LMNA: variants seen among roughly 807,000 people sequenced by gnomAD.
The protein encoded by LMNA is lamin.
A neutral mutation model predicts 70.4 loss-of-function variants in LMNA; 20 were observed. The observed-to-expected ratio is 0.28, with a 90% CI of 0.20 to 0.41. LMNA has a LOEUF of 0.41. LMNA is among the 10% of genes least tolerant of loss of function. The pLI is 1.00. For missense variants in LMNA, 652 were observed against 917.2 expected (o/e 0.71, Z 3.73); for synonymous variants, 339 against 372.8 (o/e 0.91, Z 1.04).
At chr1:156,129,871 C>A in intron 1 of LMNA, 1 of 770,908 alleles carries the variant, frequency 1.3e-6, no homozygotes, top group South Asian at 1.4e-5. Context: ...GGCCTGGGAT[C>A]CACATCTGGA....
At chr1:156,090,760 G>A (rs1298058982) in intron 3 of LMNA, among the ~76,000 whole-genome samples, 4 of 152,210 alleles carry the variant, frequency 2.6e-5, no homozygotes, top group Non-Finnish European at 5.9e-5. Flanking sequence ...AGAATTGGAG[G>A]CATGTCTGGA....
intron 1 of LMNA, among the ~76,000 whole-genome samples, chr1:156,125,787 G>A (rs573006315): frequency 4.8e-5 from 7 of 146,380 alleles, no homozygotes; most frequent in African/African-American, 1.3e-4. Context: ...TCAGGAGTCC[G>A]AGACCAGCCT....
chr1:156,132,477 CAT>C (rs1651160266), intron 2 of LMNA, among the ~76,000 whole-genome samples: 1 of 151,978 alleles, frequency 6.6e-6, no homozygotes, highest in Admixed American at 6.6e-5. Context: ...CTCAAAAAAA[CAT>C]AAATAAATAA....
At chr1:156,089,620 A>AGAAG (rs889128743) in intron 2 of LMNA, among the ~76,000 whole-genome samples, 10 of 151,452 alleles carry the variant, frequency 6.6e-5, no homozygotes, top group African/African-American at 2.4e-4. Context: ...AAAGAAAGAA[A>AGAAG]GAAAGGTCTT....
At chr1:156,089,748 G>A (rs577115149) in intron 2 of LMNA, among the ~76,000 whole-genome samples, 7 of 152,300 alleles carry the variant, frequency 4.6e-5, no homozygotes, top group Middle Eastern at 3.4e-3. Context: ...ATGGACAAAC[G>A]TCTCTGCTTC....
chr1:156,139,129 TG>T lies in LMNA; in HGVS notation c.*28del. 2 of 1,613,628 alleles carry T rather than the reference TG, an allele frequency of 1.2e-6. No homozygotes were observed. On this transcript the variant is annotated 3_prime_UTR_variant, in exon 12 of 12. Coordinates refer to ENST00000368300, the MANE Select transcript of LMNA (RefSeq NM_170707.4). The stretch of plus-strand genomic sequence containing the variant: ...TAATCTGGGACCTGCCAGGCAGGGG[TG>T]GGGGTGGAGGCTTCCTGCGTCCTCC...
At chr1:156,082,784 C>A (rs1049935436) in intron 1 of LMNA, 1 of 150,492 alleles carries the variant, frequency 6.6e-6, no homozygotes. Flanking sequence ...CCGCGCCGGC[C>A]GGTCCTGGGG....
Position 156,138,395 on chromosome 1 carries a change from CG to C in LMNA, c.1699-91del, listed in dbSNP as rs1179741330. ...CACAGAACCACACCTTCCTGCCTGG[CG>C]GCTGGGAGCCTGCAGGAGCCTGGAG... is the stretch of plus-strand genomic sequence containing the variant. On this transcript the variant is annotated intron_variant, in intron 10 of 11. Transcript: ENST00000368300. This position sits in a 1 kb window ranked among gnomAD's most constrained non-coding sequence, Gnocchi z 5.5. 9.9e-6 allele frequency: 14 copies of C among 1,416,388 alleles called. No homozygotes were observed. Among genetic ancestry groups the C allele is most frequent in the Non-Finnish European group, 1.3e-5 (13 of 1,036,900 alleles). 87.7% of individuals were successfully genotyped at this position (1,416,388 alleles called of 1,614,324 possible). A position where few individuals can be genotyped will look rare whatever the true frequency, so the allele number is the denominator to read the frequency against.
chr1:156,102,020 C>A (rs1305787554), intron 3 of LMNA, among the ~76,000 whole-genome samples: 1 of 152,200 alleles, frequency 6.6e-6, no homozygotes, highest in East Asian at 1.9e-4. Flanking sequence ...GGGTCGTCTT[C>A]TAAGAATTCT....
intron 1 of LMNA, among the ~76,000 whole-genome samples, chr1:156,117,079 AT>A (rs150049994): frequency 0.46 from 51,633 of 112,636 alleles, 11,140 homozygotes; most frequent in East Asian, 0.67. Context: ...ACACATGGCT[AT>A]TTTTTTTTTT....
rs1651003606 is a variant in LMNA, at chr1:156,130,889, C to A, written c.513+116C>A. On this transcript the variant is annotated intron_variant, in intron 2 of 11. Transcript: ENST00000368300. ...TCTGACCTGTCACCTGATTTCAGAGCCATTCACCTGTCCTAGAGTCATTTT... is the reference window on the plus strand; with the variant it reads ...TCTGACCTGTCACCTGATTTCAGAGACATTCACCTGTCCTAGAGTCATTTT... 3.9e-6 allele frequency: 4 copies of A among 1,014,128 alleles called. No homozygotes were observed. The South Asian group carries it at 4.4e-5, about 11-fold the overall frequency. The allele number at this position is 1,014,128 out of a possible 1,614,324, so 62.8% of individuals were successfully genotyped here.
At chr1:156,089,010 C>T (rs1648591146) in intron 2 of LMNA, among the ~76,000 whole-genome samples, 1 of 152,204 alleles carries the variant, frequency 6.6e-6, no homozygotes, top group Non-Finnish European at 1.5e-5. Context: ...CAGGGTCTTG[C>T]TCTGTCGTCC....
intron 3 of LMNA, among the ~76,000 whole-genome samples, chr1:156,100,626 C>A (rs777271141): frequency 9.9e-5 from 15 of 151,902 alleles, no homozygotes; most frequent in Non-Finnish European, 1.5e-4. Flanking sequence ...GTGGGGCCTG[C>A]AGGAGGAAGG....
rs369909996 is a variant in LMNA at position 156,101,636 on chromosome 1, AAGGG to A, written c.-207+11085_-207+11088del. On this transcript the variant is annotated intron_variant, in intron 3 of 12. Transcript: ENST00000368301. ...CCAGGAAGGAAGGACGGAAGGAAGG[AAGGG>A]AGGGAGGGAGGGAGGGAGGGAGGGA... 9.5e-3 allele frequency among the ~76,000 whole-genome samples: 969 copies of A among 101,904 alleles called. 18 individuals carry two copies. The highest frequency in any genetic ancestry group is 0.028 in the African/African-American group (675 of 24,364). 66.9% of individuals were successfully genotyped at this position (101,904 alleles called of 152,430 possible).
chr1:156,122,315 T>A (rs905619378), intron 1 of LMNA, among the ~76,000 whole-genome samples: 1 of 152,014 alleles, frequency 6.6e-6, no homozygotes, highest in Admixed American at 6.6e-5. Context: ...GAGCGGAAAG[T>A]CTCCAGAGAC....
In LMNA at chr1:156,134,033, T is replaced by G. The variant is rs1194693613; in HGVS notation, c.514-370T>G. 8.2e-6 allele frequency among the ~76,000 whole-genome samples: 1 copy of G among 122,398 alleles called. No homozygotes were observed. Among genetic ancestry groups the G allele is most frequent in the African/African-American group, 4.5e-5 (1 of 22,264 alleles). 80.3% of individuals were successfully genotyped at this position (122,398 alleles called of 152,430 possible). On this transcript the variant is annotated intron_variant, in intron 2 of 11. Coordinates refer to ENST00000368300, the MANE Select transcript of LMNA (RefSeq NM_170707.4). The surrounding 1 kb of genome is among the most constrained non-coding windows in gnomAD (Gnocchi z 5.3). ...GCTGGGGGGCATATATCTTTTCTTT[T>G]TGAGACAGAGTCTAGCTGTGTCACC...
Position 156,134,816 on chromosome 1 carries a change from G to T in LMNA, c.651G>T (p.Glu217Asp). The T allele has an allele frequency of 6.2e-7, 1 of 1,614,198 alleles. No individual in the cohort carries two copies. The highest frequency in any genetic ancestry group is 1.1e-5 in the South Asian group (1 of 91,066). The part of the protein sequence containing the change: ...QKNIYSEELR[E>D]TKRRHETRLV... Reference sequence around the variant, plus strand: ...TCCAACCCTTCCAGGAGCTGCGTGAGACCAAGCGCCGTCATGAGACCCGAC... The same window carrying T: ...TCCAACCCTTCCAGGAGCTGCGTGATACCAAGCGCCGTCATGAGACCCGAC... Residue 217 changes from glutamate (E) to aspartate (D), a missense_variant, in exon 4 of 12, where the codon GAG becomes GAT. This residue lies in a region of LMNA where 254 missense variants were observed against 421.9 expected (regional missense o/e 0.60). Coordinates refer to ENST00000368300, the MANE Select transcript of LMNA (RefSeq NM_170707.4). This position sits in a 1 kb window ranked among gnomAD's most constrained non-coding sequence, Gnocchi z 5.3.
At chr1:156,098,135 C>A (rs1649010606) in intron 3 of LMNA, among the ~76,000 whole-genome samples, 1 of 152,206 alleles carries the variant, frequency 6.6e-6, no homozygotes, top group African/African-American at 2.4e-5. Context: ...TCACCCTGGG[C>A]CTTGATAGCA....
intron 3 of LMNA, among the ~76,000 whole-genome samples, chr1:156,100,783 C>G (rs1378793766): frequency 6.6e-6 from 1 of 152,168 alleles, no homozygotes. Flanking sequence ...GCACCAGGCA[C>G]TGTGCCAGGT....
Sources: gnomAD v4.1 joint callset for allele counts (sites outside exome capture counted in the v4.1 genomes callset) on GRCh38, gnomAD v4.1.1 for gene constraint, gnomAD v4.1.1 regional missense constraint, Gnocchi (gnomAD v3.1) non-coding constraint, MANE v1.5 for transcripts, NCBI Gene and HGNC (gene_info 2026-07-23, HGNC 2026-07-21) for gene names.